CHIC2: variants seen among roughly 807,000 people sequenced by gnomAD.
CHIC2 encodes cysteine rich hydrophobic domain 2.
CHIC2 carries 14 observed loss-of-function variants against 25.9 expected under a neutral mutation model. The ratio of observed to expected loss-of-function variants is 0.54; its 90% CI spans 0.36 to 0.85. The LOEUF (loss-of-function observed/expected upper bound fraction) is 0.85. CHIC2 is among the 40% of genes least tolerant of loss of function. The pLI is 0.01. For synonymous variants in CHIC2, 70 were observed against 72.0 expected (o/e 0.97, Z 0.14); for missense variants, 146 against 202.0 (o/e 0.72, Z 1.68).
At chr4:54,012,538 G>A (rs1715626762) in intron 5 of CHIC2, among the ~76,000 whole-genome samples, 1 of 151,890 alleles carries the variant, frequency 6.6e-6, no homozygotes. Flanking sequence ...TAATACCTCA[G>A]TTTTAAGCTT....
the CHIC2 span, among the ~76,000 whole-genome samples, chr4:54,088,659 C>T: frequency 6.6e-6 from 1 of 152,142 alleles, no homozygotes; most frequent in African/African-American, 2.4e-5. Context: ...TGTTCTTGGT[C>T]TGACCTGATC....
upstream of CHIC2, among the ~76,000 whole-genome samples, chr4:54,068,385 A>G (rs1334178924): frequency 2.0e-5 from 3 of 152,080 alleles, no homozygotes; most frequent in Admixed American, 6.5e-5. Flanking sequence ...CCCTTCCACT[A>G]TCTTAGAACA....
intron 3 of CHIC2, among the ~76,000 whole-genome samples, chr4:54,039,068 CA>C (rs934686106): frequency 3.0e-4 from 43 of 142,430 alleles, no homozygotes; most frequent in Non-Finnish European, 2.3e-4. Flanking sequence ...AAGTGATATG[CA>C]AAAAAAAAAA....
intron 1 of CHIC2, among the ~76,000 whole-genome samples, chr4:54,052,533 T>C (rs1577984413): frequency 6.6e-6 from 1 of 152,186 alleles, no homozygotes; most frequent in Non-Finnish European, 1.5e-5. Flanking sequence ...TTTGATGTAC[T>C]TGAAAGAAGA....
intron 3 of CHIC2, among the ~76,000 whole-genome samples, chr4:54,043,210 A>G (rs1716645684): frequency 6.6e-6 from 1 of 152,156 alleles, no homozygotes; most frequent in Admixed American, 6.5e-5. Context: ...TCACGAGGTC[A>G]GGAGATTGAG....
At chr4:54,038,957 G>C (rs912078796) in intron 3 of CHIC2, among the ~76,000 whole-genome samples, 2 of 152,036 alleles carry the variant, frequency 1.3e-5, no homozygotes, top group African/African-American at 2.4e-5. Flanking sequence ...AGTATGGAAA[G>C]AGACCTACAC....
the CHIC2 span, chr4:54,087,383 G>A: frequency 1.8e-6 from 1 of 565,874 alleles, no homozygotes; most frequent in East Asian, 3.0e-5. Flanking sequence ...TAAGCAAAAT[G>A]TAGATGCAAT....
chr4:54,035,333 T>G (rs1227553753), intron 3 of CHIC2, among the ~76,000 whole-genome samples: 2 of 152,194 alleles, frequency 1.3e-5, no homozygotes, highest in African/African-American at 4.8e-5. Context: ...TCCTTAAATT[T>G]TGTAAGAATA....
Position 54,064,465 on chromosome 4 carries a change from G to A in CHIC2, c.-165C>T. 1 of 1,462,440 alleles carries A rather than the reference G, an allele frequency of 6.8e-7. No homozygotes were observed. Among genetic ancestry groups the A allele is most frequent in the Non-Finnish European group, 9.0e-7 (1 of 1,115,186 alleles). 90.6% of individuals were successfully genotyped at this position (1,462,440 alleles called of 1,614,324 possible). On this transcript the variant is annotated 5_prime_UTR_variant, in exon 1 of 6. Coordinates refer to ENST00000263921, the MANE Select transcript of CHIC2 (RefSeq NM_012110.4). This position sits in a 1 kb window ranked among gnomAD's most constrained non-coding sequence, Gnocchi z 4.2. ...TCGGCTCCGGCTACAGAGGGGATGGGGTCTGGACCGTCGCCGCCACCGCCG... is the reference window on the plus strand; with the variant it reads ...TCGGCTCCGGCTACAGAGGGGATGGAGTCTGGACCGTCGCCGCCACCGCCG...
Position 54,015,234 on chromosome 4 carries a change from T to C in CHIC2, c.331-1115A>G, listed in dbSNP as rs149503961. Reference sequence around the variant, plus strand: ...ATGAATTACGACTACTGCCTTACATTTTCCAAGCTTATGTCATAAAAATCG... The same window carrying C: ...ATGAATTACGACTACTGCCTTACATCTTCCAAGCTTATGTCATAAAAATCG... On this transcript the variant is annotated intron_variant, in intron 3 of 5. Transcript: ENST00000263921. Among the ~76,000 whole-genome samples, 34 of 152,292 alleles carry C rather than the reference T, an allele frequency of 2.2e-4. No individual in the cohort carries two copies. The East Asian group carries it at 6.4e-3, about 29-fold the overall frequency.
intron 1 of CHIC2, among the ~76,000 whole-genome samples, chr4:54,053,203 G>C (rs1486726934): frequency 6.6e-6 from 1 of 152,120 alleles, no homozygotes; most frequent in Non-Finnish European, 1.5e-5. Flanking sequence ...CAAAAATCTT[G>C]CAAGTTGATA....
intron 3 of CHIC2, among the ~76,000 whole-genome samples, chr4:54,032,286 T>G (rs899509772): frequency 4.1e-5 from 1 of 24,624 alleles, no homozygotes; most frequent in African/African-American, 1.6e-4. Context: ...TCCCCCTCCC[T>G]CTCCCTCTAC....
intron 1 of CHIC2, among the ~76,000 whole-genome samples, chr4:54,053,375 G>C (rs1295920692): frequency 6.6e-6 from 1 of 152,066 alleles, no homozygotes; most frequent in African/African-American, 2.4e-5. Flanking sequence ...TGGCCAACAT[G>C]GTGAAACCCC....
At chr4:54,041,116 A>C (rs1181661646) in intron 3 of CHIC2, among the ~76,000 whole-genome samples, 2 of 151,568 alleles carry the variant, frequency 1.3e-5, no homozygotes, top group African/African-American at 2.4e-5. Flanking sequence ...GGGTTTCACC[A>C]TGTTGGCCAG....
chr4:54,056,640 A>C lies in CHIC2; in HGVS notation c.120-7335T>G, dbSNP rs192302010. On this transcript the variant is annotated intron_variant, in intron 1 of 5. Coordinates refer to ENST00000263921, the MANE Select transcript of CHIC2 (RefSeq NM_012110.4). ...ATATAGTACATTCACTTTTTTTATC[A>C]ATCAAAATAACAAAGTTAGGTTACC... is the stretch of plus-strand genomic sequence containing the variant. 4.9e-3 allele frequency among the ~76,000 whole-genome samples: 742 copies of C among 152,264 alleles called. 4 individuals carry two copies. The highest frequency in any genetic ancestry group is 0.01 in the Middle Eastern group (3 of 294).
chr4:54,067,231 T>C (rs1392039225), upstream of CHIC2, among the ~76,000 whole-genome samples: 1 of 152,128 alleles, frequency 6.6e-6, no homozygotes, highest in African/African-American at 2.4e-5. Context: ...TCCCACGGCC[T>C]GGGTATACGG....
In CHIC2 at chr4:54,064,156, C is replaced by G; in HGVS notation, c.119+26G>C. 6.3e-7 allele frequency: 1 copy of G among 1,580,882 alleles called. No individual in the cohort carries two copies. The highest frequency in any genetic ancestry group is 8.6e-7 in the Non-Finnish European group (1 of 1,161,596). On this transcript the variant is annotated intron_variant, in intron 1 of 5. Coordinates refer to ENST00000263921, the MANE Select transcript of CHIC2 (RefSeq NM_012110.4). The surrounding 1 kb of genome is among the most constrained non-coding windows in gnomAD (Gnocchi z 4.2). ...GGGGCCCACCCCAGCCCGCACCTCC[C>G]GCCCTCGCCCTCCTCCGGGCCTTAC...
the CHIC2 span, among the ~76,000 whole-genome samples, chr4:54,072,028 C>G: frequency 6.6e-6 from 1 of 151,722 alleles, no homozygotes; most frequent in Non-Finnish European, 1.5e-5. Flanking sequence ...GGTGCGGTGG[C>G]TCACGTCTGT....
At chr4:54,017,643 A>C (rs1003719302) in intron 3 of CHIC2, among the ~76,000 whole-genome samples, 1 of 152,144 alleles carries the variant, frequency 6.6e-6, no homozygotes, top group African/African-American at 2.4e-5. Context: ...TAATTTTATC[A>C]AGTATTCTTA....
Sources: gnomAD v4.1 joint callset for allele counts (sites outside exome capture counted in the v4.1 genomes callset) on GRCh38, gnomAD v4.1.1 for gene constraint, Gnocchi (gnomAD v3.1) non-coding constraint, MANE v1.5 for transcripts, NCBI Gene and HGNC (gene_info 2026-07-23, HGNC 2026-07-21) for gene names.